Variants in RSU1 observed in about 807,000 individuals in gnomAD.
RSU1 encodes the protein Ras suppressor protein 1.
In RSU1, 26 loss-of-function variants were observed where a neutral mutation model predicts 31.1. The ratio of observed to expected loss-of-function variants is 0.84; its 90% CI spans 0.61 to 1.16. RSU1 has a LOEUF of 1.16. Among genes scored for constraint, RSU1 ranks in the 50% most tolerant of loss-of-function variants. The pLI is 0.00. For missense variants in RSU1, 320 were observed against 339.1 expected (o/e 0.94, Z 0.44); for synonymous variants, 164 against 136.3 (o/e 1.20, Z -1.41).
intron 8 of RSU1, among the ~76,000 whole-genome samples, chr10:16,623,942 G>A (rs1205311352): frequency 6.6e-6 from 1 of 152,086 alleles, no homozygotes; most frequent in Non-Finnish European, 1.5e-5. Flanking sequence ...TTGAGCTCTT[G>A]CTCCTGGCTC....
chr10:16,603,563 G>T (rs79443284), intron 8 of RSU1, among the ~76,000 whole-genome samples: 2,016 of 152,308 alleles, frequency 0.013, 45 homozygotes, highest in African/African-American at 0.045. Flanking sequence ...ACAGAATACA[G>T]GCAGAGAAAA....
chr10:16,688,670 G>T (rs1016356338), intron 8 of RSU1, among the ~76,000 whole-genome samples: 5 of 152,132 alleles, frequency 3.3e-5, no homozygotes, highest in Non-Finnish European at 5.9e-5. Flanking sequence ...TCACCAGGAA[G>T]AGAATACATA....
At chr10:16,602,430 G>A (rs577609262) in intron 8 of RSU1, among the ~76,000 whole-genome samples, 17 of 152,260 alleles carry the variant, frequency 1.1e-4, no homozygotes, top group Non-Finnish European at 1.9e-4. Flanking sequence ...TTGAGGCTCC[G>A]ATAAACCCAG....
In RSU1 at chr10:16,591,007, G is replaced by A. The variant is rs1156488258; in HGVS notation, c.*2387C>T. ...GCTCAGTGCAACCTCTGCCTCCCGGGTTCAATCAATTCTCCTGCCTCAGCC... is the reference window on the plus strand; with the variant it reads ...GCTCAGTGCAACCTCTGCCTCCCGGATTCAATCAATTCTCCTGCCTCAGCC... On this transcript the variant is annotated 3_prime_UTR_variant, in exon 9 of 9. Transcript: ENST00000345264. 1 of 152,144 alleles carries A rather than the reference G, an allele frequency of 6.6e-6. No individual in the cohort carries two copies. The allele number at this position is 152,144 out of a possible 1,614,324, so 9.4% of individuals were successfully genotyped here.
intron 2 of RSU1, among the ~76,000 whole-genome samples, chr10:16,799,436 C>T (rs1838103518): frequency 6.6e-6 from 1 of 152,054 alleles, no homozygotes; most frequent in South Asian, 2.1e-4. Context: ...AGCCAGCAAC[C>T]GGTAGGAATG....
chr10:16,686,341 T>A (rs1031162004), intron 8 of RSU1, among the ~76,000 whole-genome samples: 5 of 152,138 alleles, frequency 3.3e-5, no homozygotes, highest in Non-Finnish European at 5.9e-5. Context: ...ATAGAAAGCA[T>A]CAAGCATTGA....
chr10:16,742,042 A>G (rs558981969), intron 7 of RSU1, among the ~76,000 whole-genome samples: 5 of 152,300 alleles, frequency 3.3e-5, no homozygotes, highest in African/African-American at 9.6e-5. Flanking sequence ...GATGGATTCA[A>G]TAGGGGCTGT....
intron 8 of RSU1, among the ~76,000 whole-genome samples, chr10:16,681,351 T>A (rs181396709): frequency 6.6e-6 from 1 of 152,308 alleles, no homozygotes; most frequent in East Asian, 1.9e-4. Context: ...GAATCGAAAC[T>A]GTCAGGAATT....
chr10:16,609,276 C>G (rs1833855918), intron 8 of RSU1, among the ~76,000 whole-genome samples: 1 of 152,242 alleles, frequency 6.6e-6, no homozygotes, highest in Admixed American at 6.5e-5. Flanking sequence ...GACCCTGGCA[C>G]TGCCTCACCT....
intron 8 of RSU1, among the ~76,000 whole-genome samples, chr10:16,609,429 A>G (rs909467333): frequency 6.6e-6 from 1 of 152,162 alleles, no homozygotes; most frequent in East Asian, 1.9e-4. Flanking sequence ...AAGAATCCAA[A>G]GTGTTTCATC....
rs978115059 is a variant in RSU1 at position 16,616,523 on chromosome 10, C to T, written c.732-23027G>A. Among the ~76,000 whole-genome samples, 4 of 152,156 alleles carry T rather than the reference C, an allele frequency of 2.6e-5. No homozygotes were observed. In the East Asian group the frequency reaches 7.7e-4, roughly 29 times the overall value. On this transcript the variant is annotated intron_variant, in intron 8 of 8. Coordinates refer to ENST00000345264, the MANE Select transcript of RSU1 (RefSeq NM_012425.4). ...TCCTCAACTCATTTTATGAGGCCAG[C>T]ATCATGCTAATACCAAAAACTGTCA...
chr10:16,732,532 G>T (rs998337348), intron 7 of RSU1, among the ~76,000 whole-genome samples: 1 of 152,196 alleles, frequency 6.6e-6, no homozygotes, highest in Admixed American at 6.5e-5. Flanking sequence ...AAATGAATTA[G>T]CCAGCACTTT....
intron 7 of RSU1, among the ~76,000 whole-genome samples, chr10:16,717,489 G>A (rs974798773): frequency 6.6e-6 from 1 of 152,014 alleles, no homozygotes; most frequent in African/African-American, 2.4e-5. Flanking sequence ...GGTTTAACAA[G>A]AATATTTCAG....
intron 2 of RSU1, among the ~76,000 whole-genome samples, chr10:16,782,883 C>CGT (rs138836348): frequency 0.23 from 35,146 of 150,596 alleles, 4,341 homozygotes; most frequent in African/African-American, 0.31. Context: ...TGCATATACA[C>CGT]GTGTGTGTGT....
At chr10:16,727,441 A>C (rs1055743466) in intron 7 of RSU1, among the ~76,000 whole-genome samples, 2 of 152,198 alleles carry the variant, frequency 1.3e-5, no homozygotes, top group Admixed American at 6.5e-5. Flanking sequence ...TTTCCCTCAG[A>C]AACAGCAGAA....
chr10:16,623,533 A>G (rs1022203045), intron 8 of RSU1, among the ~76,000 whole-genome samples: 2 of 152,128 alleles, frequency 1.3e-5, no homozygotes, highest in Non-Finnish European at 2.9e-5. Context: ...TTTCTTTTAG[A>G]TATATACCCA....
intron 2 of RSU1, among the ~76,000 whole-genome samples, chr10:16,803,248 C>T (rs774917195): frequency 6.6e-6 from 1 of 152,070 alleles, no homozygotes; most frequent in Non-Finnish European, 1.5e-5. Flanking sequence ...ATTAAAAACA[C>T]ACCATTTACA....
chr10:16,724,232 C>T (rs937656512), intron 7 of RSU1, among the ~76,000 whole-genome samples: 34 of 152,214 alleles, frequency 2.2e-4, no homozygotes, highest in African/African-American at 7.0e-4. Flanking sequence ...CATGAGCCAC[C>T]GGGCCCAGCT....
At chr10:16,749,467 TA>T (rs1271176118) in intron 7 of RSU1, among the ~76,000 whole-genome samples, 2 of 152,124 alleles carry the variant, frequency 1.3e-5, no homozygotes, top group African/African-American at 4.8e-5. Context: ...TTCAGATATG[TA>T]AAAAATATAC....
Sources: gnomAD v4.1 joint callset for allele counts (sites outside exome capture counted in the v4.1 genomes callset) on GRCh38, gnomAD v4.1.1 for gene constraint, MANE v1.5 for transcripts, NCBI Gene and HGNC (gene_info 2026-07-23, HGNC 2026-07-21) for gene names.